The following SMC3 variants were observed in gnomAD, a reference collection of about 807,000 sequenced individuals.
SMC3 encodes structural maintenance of chromosomes 3, also known as structural maintenance of chromosomes protein 3.
Under a neutral mutation model 171.8 loss-of-function variants are expected in SMC3, and 20 were observed. That is an observed-to-expected ratio of 0.12 (90% confidence interval 0.08 to 0.17). The LOEUF is 0.17. Ranked by LOEUF, SMC3 falls within the 10% of genes least tolerant of loss-of-function variation. The pLI is 1.00. For missense variants in SMC3, 543 were observed against 1,420.4 expected (o/e 0.38, Z 9.93); for synonymous variants, 464 against 451.1 (o/e 1.03, Z -0.36).
At chr10:110,573,561 GTTTCT>G (rs1256661654) in intron 2 of SMC3, 141 bp from the exon 3 acceptor site, 1 of 425,668 alleles carries the variant, frequency 2.3e-6, no homozygotes, top group Non-Finnish European at 3.9e-6. Flanking sequence ...TGTTTTATTG[GTTTCT>G]TTTGTTCACT....
At chr10:110,604,194 A>C (rs1307394925) in intron 28 of SMC3, 37 bp from the exon 29 acceptor site, 13 of 1,316,540 alleles carry the variant, frequency 9.9e-6, no homozygotes, top group Non-Finnish European at 1.4e-5. Context: ...ACACTGATGT[A>C]ATTAACAGAT....
intron 13 of SMC3, among the ~76,000 whole-genome samples, chr10:110,588,160 T>A (rs1861153080): frequency 6.6e-6 from 1 of 152,018 alleles, no homozygotes; most frequent in African/African-American, 2.4e-5. Flanking sequence ...CCTGGCTAAT[T>A]TTTGTATTTT....
chr10:110,589,601 A>G lies in SMC3; in HGVS notation c.1306-4A>G. On this transcript the variant is annotated splice_region_variant and splice_polypyrimidine_tract_variant and intron_variant, in intron 13 of 28. Transcript: ENST00000361804. ...GAATTTTAAATTTATTTTTATTTCC[A>G]TAGAAACTGGACCAGGATCTTAATG... The G allele has an allele frequency of 2.5e-6, 4 of 1,570,564 alleles. No individual in the cohort carries two copies. Among genetic ancestry groups the G allele is most frequent in the Admixed American group, 1.7e-5 (1 of 59,660 alleles).
intron 12 of SMC3, 67 bp from the exon 13 acceptor site, chr10:110,584,116 A>T: frequency 6.8e-7 from 1 of 1,462,612 alleles, no homozygotes; most frequent in East Asian, 2.3e-5. Context: ...TGCAGTTGAC[A>T]TTATTGGTTG....
At chr10:110,594,304 C>T (rs369420182) in intron 18 of SMC3, among the ~76,000 whole-genome samples, 12 of 150,828 alleles carry the variant, frequency 8.0e-5, no homozygotes, top group East Asian at 3.9e-4. Flanking sequence ...GAATTGTATT[C>T]GCATGGTTAT....
rs941234525 is a variant in SMC3 at position 110,605,738 on chromosome 10, ATCTT to A, written c.*1440_*1443del. Among the ~76,000 whole-genome samples, 21 of 152,182 alleles carry A rather than the reference ATCTT, an allele frequency of 1.4e-4. No homozygotes were observed. Among genetic ancestry groups the A allele is most frequent in the Non-Finnish European group, 2.6e-4 (18 of 68,030 alleles). ...ATTCAAAGGGTTACGTAACTATAAT[ATCTT>A]TCTAATATTTCTACCATTTTTCTTA... is the stretch of plus-strand genomic sequence containing the variant. On this transcript the variant is annotated 3_prime_UTR_variant, in exon 29 of 29. Transcript: ENST00000361804.
At chr10:110,589,506 T>G (rs1222448282) in intron 13 of SMC3, 99 bp from the exon 14 acceptor site, 1 of 758,988 alleles carries the variant, frequency 1.3e-6, no homozygotes, top group Non-Finnish European at 2.3e-6. Context: ...CCTCACCTTT[T>G]GTCCGCCTCC....
rs1861388483 is a variant in SMC3, at chr10:110,601,624, C to T, written c.2645-13C>T. On this transcript the variant is annotated splice_polypyrimidine_tract_variant and intron_variant, in intron 23 of 28. Coordinates refer to ENST00000361804, the MANE Select transcript of SMC3 (RefSeq NM_005445.4). ...TAGGTATTATAGCCTAATTTTGTTT[C>T]CCCCCATCTTAGATTTGGACAATTC... 4.4e-6 allele frequency: 7 copies of T among 1,608,670 alleles called. No homozygotes were observed. The highest frequency in any genetic ancestry group is 1.7e-5 in the Admixed American group (1 of 59,978).
At chr10:110,600,662 G>A in intron 22 of SMC3, 116 bp downstream of exon 22, 1 of 704,538 alleles carries the variant, frequency 1.4e-6, no homozygotes, top group South Asian at 1.6e-5. Context: ...AGAAAGCTTA[G>A]TGTCTTGTGG....
intron 21 of SMC3, 69 bp from the exon 22 acceptor site, chr10:110,600,370 C>G (rs1861367283): frequency 3.7e-6 from 3 of 810,656 alleles, no homozygotes. Flanking sequence ...CTAGAGAGGA[C>G]AGCAAATGAG....
chr10:110,586,492 T>C (rs987484634), intron 13 of SMC3, among the ~76,000 whole-genome samples: 1 of 152,236 alleles, frequency 6.6e-6, no homozygotes, highest in Non-Finnish European at 1.5e-5. Flanking sequence ...CCTCAGCAGA[T>C]GCCCTTTTTG....
chr10:110,590,043 C>A (rs187009599), intron 15 of SMC3, 52 bp downstream of exon 15: 64 of 1,486,050 alleles, frequency 4.3e-5, no homozygotes, highest in South Asian at 1.2e-4. Context: ...TTGAGTTAAT[C>A]GTTATGTAAT....
In SMC3 at chr10:110,606,039, T is replaced by C. The variant is rs1007948687; in HGVS notation, c.*1737T>C. ...TTATAACAATAAAGCATCTAAATAA[T>C]GAAACAAAATTTTTGTAAAAGCCTA... On this transcript the variant is annotated 3_prime_UTR_variant, in exon 29 of 29. Coordinates refer to ENST00000361804, the MANE Select transcript of SMC3 (RefSeq NM_005445.4). 2.0e-5 allele frequency among the ~76,000 whole-genome samples: 3 copies of C among 152,186 alleles called. No homozygotes were observed. Among genetic ancestry groups the C allele is most frequent in the African/African-American group, 7.2e-5 (3 of 41,448 alleles).
chr10:110,587,183 A>G lies in SMC3; in HGVS notation c.1306-2422A>G, dbSNP rs545353652. 5.9e-5 allele frequency among the ~76,000 whole-genome samples: 9 copies of G among 152,290 alleles called. No homozygotes were observed. In the East Asian group the frequency reaches 1.5e-3, roughly 26 times the overall value. ...GTAGCAACTGCTGTGGAGAAGGGGA[A>G]GCTCTTAGATAGTTTCAGTGCAAAC... is the stretch of plus-strand genomic sequence containing the variant. On this transcript the variant is annotated intron_variant, in intron 13 of 28. Coordinates refer to ENST00000361804, the MANE Select transcript of SMC3 (RefSeq NM_005445.4).
intron 13 of SMC3, 110 bp from the exon 14 acceptor site, chr10:110,589,495 C>G: frequency 1.4e-6 from 1 of 714,290 alleles, no homozygotes; most frequent in Non-Finnish European, 2.5e-6. Context: ...TGTAATTCCT[C>G]CCTCACCTTT....
intron 2 of SMC3, among the ~76,000 whole-genome samples, chr10:110,572,220 C>G (rs1006601262): frequency 2.0e-5 from 3 of 152,080 alleles, no homozygotes; most frequent in Non-Finnish European, 2.9e-5. Context: ...GGTCCTTTAC[C>G]TCTGACTTTA....
chr10:110,582,459 A>G (rs1861046613), intron 9 of SMC3, 103 bp from the exon 10 acceptor site: 3 of 802,370 alleles, frequency 3.7e-6, no homozygotes, highest in Non-Finnish European at 6.0e-6. Flanking sequence ...AAATTTGAGC[A>G]GTTACTTTTG....
At position 110,602,929 on chromosome 10, in the gene SMC3, T is replaced by C. The variant is rs1224797368; in HGVS notation, c.3402T>C (p.Cys1134=). 2.1e-5 allele frequency: 34 copies of C among 1,614,060 alleles called. No individual in the cohort carries two copies. Among genetic ancestry groups the C allele is most frequent in the Admixed American group, 3.3e-5 (2 of 60,006 alleles). ...ALALIFAIQK[C]DPAPFYLFDE... ...CTCTGATTTTTGCCATTCAGAAATGTGACCCGGCTCCATTTTACTTGTTTG... is the reference window on the plus strand; with the variant it reads ...CTCTGATTTTTGCCATTCAGAAATGCGACCCGGCTCCATTTTACTTGTTTG... Residue 1134 remains cysteine, a synonymous_variant, in exon 27 of 29, where the codon TGT becomes TGC. Transcript: ENST00000361804.
chr10:110,603,191 T>C lies in SMC3; in HGVS notation c.3483T>C (p.Ile1161=), dbSNP rs2134754498. The C allele has an allele frequency of 6.2e-7, 1 of 1,605,006 alleles. No homozygotes were observed. ...AQHRKAVSDM[I]MELAVHAQFI... ...ACAATTTTCTTTTTACAGATATGAT[T>C]ATGGAACTTGCTGTACATGCTCAGT... is the stretch of plus-strand genomic sequence containing the variant. Residue 1161 remains isoleucine (I), a synonymous_variant, in exon 28 of 29, where the codon ATT becomes ATC. Transcript: ENST00000361804.
Sources: allele counts gnomAD v4.1 joint callset (sites outside exome capture counted in the v4.1 genomes callset), GRCh38; gene constraint gnomAD v4.1.1; transcripts MANE v1.5; gene names NCBI Gene and HGNC (gene_info 2026-07-23, HGNC 2026-07-21).